Variants in OTOGL observed in about 807,000 individuals in gnomAD.
OTOGL encodes otogelin-like protein.
In OTOGL, 285 loss-of-function variants were observed where a neutral mutation model predicts 318.5. The ratio of observed to expected loss-of-function variants is 0.89; its 90% CI spans 0.81 to 0.99. The LOEUF (loss-of-function observed/expected upper bound fraction) is 0.99, where lower values mean the gene tolerates loss of function less well. Ranked by LOEUF, OTOGL falls within the 50% of genes least tolerant of loss-of-function variation. OTOGL has a pLI of 0.00. For synonymous variants in OTOGL, 987 were observed against 936.5 expected (o/e 1.05, Z -0.99); for missense variants, 2,899 against 2,845.6 (o/e 1.02, Z -0.43).
chr12:80,272,726 G>C (rs529021790), intron 24 of OTOGL, among the ~76,000 whole-genome samples: 31 of 152,104 alleles, frequency 2.0e-4, no homozygotes, highest in South Asian at 6.2e-4. Flanking sequence ...CAGGAGAATC[G>C]CATTTGTCTA....
chr12:80,307,892 CCGGA>C (rs1409083131), intron 29 of OTOGL, among the ~76,000 whole-genome samples: 51 of 137,330 alleles, frequency 3.7e-4, no homozygotes, highest in Non-Finnish European at 5.7e-4. Context: ...TCCCTCCCTC[CCGGA>C]CGGGGCGGCT....
intron 11 of OTOGL, among the ~76,000 whole-genome samples, chr12:80,250,981 A>G (rs1464998082): frequency 1.3e-5 from 2 of 152,214 alleles, no homozygotes; most frequent in Non-Finnish European, 2.9e-5. Flanking sequence ...AGTCTTGGCA[A>G]TGTTATAAAA....
At chr12:80,168,260 A>G (rs1873958059) in intron 1 of OTOGL, among the ~76,000 whole-genome samples, 1 of 152,064 alleles carries the variant, frequency 6.6e-6, no homozygotes. Context: ...CAACCCTAAT[A>G]AGGAGAAAGT....
chr12:80,335,274 C>T (rs949885506), intron 38 of OTOGL, among the ~76,000 whole-genome samples: 1 of 151,990 alleles, frequency 6.6e-6, no homozygotes, highest in African/African-American at 2.4e-5. Context: ...ATTACTTTAA[C>T]CCCCACACTG....
chr12:80,146,424 G>A (rs1383573948), intron 1 of OTOGL, among the ~76,000 whole-genome samples: 1 of 151,252 alleles, frequency 6.6e-6, no homozygotes, highest in African/African-American at 2.5e-5. Flanking sequence ...GATCATGGTG[G>A]ATAAGCTTTT....
Position 80,296,938 on chromosome 12 carries a change from C to G in OTOGL, c.3040C>G (p.Leu1014Val), listed in dbSNP as rs1337531679. The change falls in exon 27 of 59, where the codon CTG becomes GTG. Residue 1014 changes from leucine to valine, a missense_variant. Leu to Val is a conservative substitution (Grantham distance 32). Transcript: ENST00000547103. ...LISVGDTEIY[L>V]NDTPYKQKQS... ...TTCAGTTGGGGACACTGAAATTTAC[C>G]TGAATGATACTCCTTACAAACAGGT... is the stretch of plus-strand genomic sequence containing the variant. The G allele has an allele frequency of 1.9e-5, 30 of 1,550,908 alleles. No homozygotes were observed. Among genetic ancestry groups the G allele is most frequent in the Non-Finnish European group, 2.6e-5 (30 of 1,150,518 alleles).
At chr12:80,196,128 G>A (rs1386007651) in intron 1 of OTOGL, among the ~76,000 whole-genome samples, 1 of 152,170 alleles carries the variant, frequency 6.6e-6, no homozygotes, top group Non-Finnish European at 1.5e-5. Context: ...GGAGCCACTA[G>A]TGTTTGCTGT....
intron 1 of OTOGL, among the ~76,000 whole-genome samples, chr12:80,209,190 G>A (rs909628434): frequency 1.3e-5 from 2 of 152,054 alleles, no homozygotes; most frequent in African/African-American, 2.4e-5. Context: ...TAACTAATAC[G>A]GGCTCAGGTA....
intron 11 of OTOGL, among the ~76,000 whole-genome samples, chr12:80,243,765 A>AT (rs1358880574): frequency 2.7e-5 from 4 of 149,066 alleles, no homozygotes; most frequent in Non-Finnish European, 5.9e-5. Context: ...AATTATATAT[A>AT]TAACAAATAT....
chr12:80,330,354 T>A (rs1366331766), intron 37 of OTOGL, among the ~76,000 whole-genome samples: 9 of 152,232 alleles, frequency 5.9e-5, no homozygotes. Context: ...AGGTTTACCC[T>A]TCTAGAGATG....
At chr12:80,149,926 C>G (rs1002547146) in intron 1 of OTOGL, among the ~76,000 whole-genome samples, 1 of 152,026 alleles carries the variant, frequency 6.6e-6, no homozygotes, top group Non-Finnish European at 1.5e-5. Context: ...GCACGGTGCG[C>G]GCACCCACTG....
intron 1 of OTOGL, among the ~76,000 whole-genome samples, chr12:80,126,466 G>A (rs926800838): frequency 7.9e-5 from 12 of 151,994 alleles, no homozygotes; most frequent in Non-Finnish European, 1.3e-4. Context: ...CCAACTATGT[G>A]GTCAATTTTG....
chr12:80,209,569 T>G (rs1877083179), intron 2 of OTOGL, 59 bp downstream of exon 2: 1 of 1,189,938 alleles, frequency 8.4e-7, no homozygotes, highest in African/African-American at 1.5e-5. Context: ...CTCTTACAAT[T>G]TATACAAATA....
chr12:80,186,988 ATTGT>A (rs924799234), intron 1 of OTOGL, among the ~76,000 whole-genome samples: 3 of 152,144 alleles, frequency 2.0e-5, no homozygotes, highest in Admixed American at 6.5e-5. Context: ...AGCTTCAAAG[ATTGT>A]TTGTTTATGG....
chr12:80,116,123 G>A lies in OTOGL; in HGVS notation c.-20+16518G>A, dbSNP rs1363596374. ...GCAAAGAAACTCCTGCAGCTAGCTC[G>A]GTATCTGCCCAAATGGCCGCCCAGT... On this transcript the variant is annotated intron_variant, in intron 1 of 58. Coordinates refer to ENST00000547103, the MANE Select transcript of OTOGL (RefSeq NM_001378609.3). Among the ~76,000 whole-genome samples the A allele has an allele frequency of 3.3e-5, 5 of 152,138 alleles. No individual in the cohort carries two copies. The South Asian group carries it at 6.2e-4, about 19-fold the overall frequency.
At chr12:80,203,732 A>G (rs780900066) in intron 1 of OTOGL, among the ~76,000 whole-genome samples, 2 of 152,160 alleles carry the variant, frequency 1.3e-5, no homozygotes, top group Non-Finnish European at 2.9e-5. Context: ...GCACTCTCAC[A>G]TTTGTAATTT....
chr12:80,289,588 C>T (rs541867259), intron 26 of OTOGL, among the ~76,000 whole-genome samples: 2 of 152,318 alleles, frequency 1.3e-5, no homozygotes, highest in South Asian at 2.1e-4. Context: ...TCAGAGATGT[C>T]CTGCCCAGTG....
chr12:80,112,118 A>T (rs1869877553), intron 1 of OTOGL, among the ~76,000 whole-genome samples: 1 of 152,202 alleles, frequency 6.6e-6, no homozygotes, highest in South Asian at 2.1e-4. Flanking sequence ...ACTTTACTAA[A>T]GTTCCTTATC....
intron 37 of OTOGL, among the ~76,000 whole-genome samples, chr12:80,330,019 G>C (rs906686477): frequency 6.6e-6 from 1 of 152,180 alleles, no homozygotes; most frequent in Admixed American, 6.5e-5. Context: ...AGGGAAATAT[G>C]TTCCTATTAG....
Sources: allele counts gnomAD v4.1 joint callset (sites outside exome capture counted in the v4.1 genomes callset), GRCh38; gene constraint gnomAD v4.1.1; transcripts MANE v1.5; gene names NCBI Gene and HGNC (gene_info 2026-07-23, HGNC 2026-07-21).